ARL15: variants seen among roughly 807,000 people sequenced by gnomAD.
ARL15 encodes the protein ADP-ribosylation factor-like protein 15.
Under a neutral mutation model 25.2 loss-of-function variants are expected in ARL15, and 19 were observed. The ratio of observed to expected loss-of-function variants is 0.75; its 90% confidence interval spans 0.53 to 1.10. The LOEUF (loss-of-function observed/expected upper bound fraction) is 1.10. Among genes scored for constraint, ARL15 ranks in the 50% least tolerant of loss-of-function variants. The pLI is 0.00. For synonymous variants in ARL15, 94 were observed against 86.8 expected (o/e 1.08, Z -0.46); for missense variants, 220 against 246.0 (o/e 0.89, Z 0.71).
chr5:54,204,629 T>C (rs1312581085), intron 1 of ARL15, among the ~76,000 whole-genome samples: 3 of 152,208 alleles, frequency 2.0e-5, no homozygotes, highest in Non-Finnish European at 4.4e-5. Context: ...CACTCTAAAG[T>C]TTCCAGTCAA....
chr5:54,010,213 A>G (rs2111776695), intron 4 of ARL15, among the ~76,000 whole-genome samples: 1 of 152,344 alleles, frequency 6.6e-6, no homozygotes, highest in South Asian at 2.1e-4. Flanking sequence ...GATTTGCTAA[A>G]CAATCCATGC....
chr5:54,041,061 G>A (rs149260693), intron 4 of ARL15, among the ~76,000 whole-genome samples: 4 of 152,282 alleles, frequency 2.6e-5, no homozygotes, highest in Non-Finnish European at 5.9e-5. Flanking sequence ...AGTAACATAC[G>A]CCTCAAAGGC....
At chr5:54,222,626 G>A (rs531784828) in intron 1 of ARL15, among the ~76,000 whole-genome samples, 14 of 152,304 alleles carry the variant, frequency 9.2e-5, no homozygotes, top group Admixed American at 7.2e-4. Flanking sequence ...GGAATGGGGT[G>A]AGGGGAGGAG....
chr5:54,128,087 C>CA (rs1753317544), intron 3 of ARL15, among the ~76,000 whole-genome samples: 1 of 152,204 alleles, frequency 6.6e-6, no homozygotes, highest in African/African-American at 2.4e-5. Context: ...TACAACAGCA[C>CA]AAATGGACTA....
Position 54,132,570 on chromosome 5 carries a change from C to G in ARL15, c.254-19160G>C, listed in dbSNP as rs191601308. Among the ~76,000 whole-genome samples, 296 of 151,936 alleles carry G rather than the reference C, an allele frequency of 1.9e-3. 2 individuals are homozygous for G. Among genetic ancestry groups the G allele is most frequent in the South Asian group, 0.015 (74 of 4,810 alleles). On this transcript the variant is annotated intron_variant, in intron 3 of 4. Transcript: ENST00000504924. ...AAATATAAACTAAAATTATATGGTA[C>G]TTTTTTTTCTTAAGTGAAAGTAAGT...
intron 1 of ARL15, among the ~76,000 whole-genome samples, chr5:54,288,740 C>T (rs542577211): frequency 9.8e-5 from 15 of 152,324 alleles, no homozygotes; most frequent in Admixed American, 5.9e-4. Flanking sequence ...TGCAGTGTCA[C>T]TCACCTACTA....
chr5:54,028,533 C>T (rs1436399751), intron 4 of ARL15, among the ~76,000 whole-genome samples: 1 of 149,608 alleles, frequency 6.7e-6, no homozygotes, highest in African/African-American at 2.5e-5. Context: ...AAAACCACAA[C>T]TGAATGCAAT....
intron 4 of ARL15, among the ~76,000 whole-genome samples, chr5:54,029,596 T>G (rs780074956): frequency 1.3e-5 from 2 of 152,192 alleles, no homozygotes; most frequent in Non-Finnish European, 2.9e-5. Flanking sequence ...TGGTGACTCT[T>G]GCCTGTAATC....
intron 1 of ARL15, chr5:54,282,520 A>G (rs770753937): frequency 1.1e-5 from 11 of 985,412 alleles, no homozygotes; most frequent in Non-Finnish European, 1.3e-5. Flanking sequence ...AGTCTGGGGC[A>G]TGTGGCTTTA....
chr5:53,941,082 C>A (rs925144855), intron 4 of ARL15, among the ~76,000 whole-genome samples: 1 of 152,216 alleles, frequency 6.6e-6, no homozygotes, highest in East Asian at 1.9e-4. Context: ...TTTTACCTTA[C>A]AAAATATCAA....
At chr5:54,081,412 A>G (rs1246771163) in intron 4 of ARL15, among the ~76,000 whole-genome samples, 1 of 152,122 alleles carries the variant, frequency 6.6e-6, no homozygotes, top group Non-Finnish European at 1.5e-5. Flanking sequence ...GCTCCATCTG[A>G]ATTTATGTTC....
chr5:53,985,942 G>C (rs1462420441), intron 4 of ARL15, among the ~76,000 whole-genome samples: 2 of 152,150 alleles, frequency 1.3e-5, no homozygotes, highest in African/African-American at 4.8e-5. Flanking sequence ...TTCACTGCCT[G>C]ATGTCTCTCT....
At chr5:53,891,835 C>T (rs1212361452) in intron 4 of ARL15, among the ~76,000 whole-genome samples, 1 of 152,216 alleles carries the variant, frequency 6.6e-6, no homozygotes, top group Non-Finnish European at 1.5e-5. Context: ...CCGCTCTGTC[C>T]TGAACGAGAC....
intron 3 of ARL15, among the ~76,000 whole-genome samples, chr5:54,137,277 G>GT (rs1392119283): frequency 6.6e-6 from 1 of 152,114 alleles, no homozygotes; most frequent in African/African-American, 2.4e-5. Context: ...CTTGCCCCTT[G>GT]TGTCCTCCTC....
intron 4 of ARL15, among the ~76,000 whole-genome samples, chr5:54,066,895 A>G (rs2112052505): frequency 1.3e-5 from 2 of 152,204 alleles, no homozygotes; most frequent in Middle Eastern, 6.8e-3. Context: ...GCCAACATAG[A>G]AGGTTATTTT....
intron 4 of ARL15, among the ~76,000 whole-genome samples, chr5:53,952,487 G>A (rs377123691): frequency 5.9e-5 from 9 of 151,878 alleles, no homozygotes; most frequent in East Asian, 1.9e-4. Flanking sequence ...GGTACAAAAC[G>A]TGCCTTGGGC....
chr5:54,069,882 C>T (rs2112066204), intron 4 of ARL15, among the ~76,000 whole-genome samples: 1 of 151,564 alleles, frequency 6.6e-6, no homozygotes, highest in Admixed American at 6.6e-5. Flanking sequence ...ACCACCTTGG[C>T]CAGGCTGTTC....
chr5:54,143,972 A>G (rs1419149826), intron 3 of ARL15, among the ~76,000 whole-genome samples: 2 of 152,050 alleles, frequency 1.3e-5, no homozygotes, highest in African/African-American at 4.8e-5. Flanking sequence ...TATACCCTAA[A>G]TAAAAAAAGA....
At chr5:54,202,472 C>A (rs755372324) in intron 1 of ARL15, among the ~76,000 whole-genome samples, 1 of 151,964 alleles carries the variant, frequency 6.6e-6, no homozygotes, top group Non-Finnish European at 1.5e-5. Context: ...GAAAAGGGGC[C>A]AATAGCCAAG....
Sources: allele counts gnomAD v4.1 joint callset (sites outside exome capture counted in the v4.1 genomes callset), GRCh38; gene constraint gnomAD v4.1.1; transcripts MANE v1.5; gene names NCBI Gene and HGNC (gene_info 2026-07-23, HGNC 2026-07-21).